The following PIK3C2G variants were observed in gnomAD, a reference collection of about 807,000 sequenced individuals.
PIK3C2G encodes the protein phosphatidylinositol-4-phosphate 3-kinase catalytic subunit type 2 gamma, also known as phosphatidylinositol 3-kinase C2 domain-containing subunit gamma.
In PIK3C2G, 168 loss-of-function variants were observed where a neutral mutation model predicts 181.1. That is an observed-to-expected ratio of 0.93 (90% CI 0.82 to 1.05). PIK3C2G has a LOEUF of 1.05. Among genes scored for constraint, PIK3C2G ranks in the 50% least tolerant of loss-of-function variants. PIK3C2G has a pLI of 0.00. For missense variants in PIK3C2G, 1,869 were observed against 1,732.8 expected (o/e 1.08, Z -1.40); for synonymous variants, 573 against 592.2 (o/e 0.97, Z 0.47).
Position 18,503,555 on chromosome 12 carries a change from C to T in PIK3C2G, c.3153+138C>T, listed in dbSNP as rs886766648. Reference sequence around the variant, plus strand: ...TCAATCAGCCCAGTAATTAATTAATCAGCCCAGTTTAAATGATATATTAAC... The same window carrying T: ...TCAATCAGCCCAGTAATTAATTAATTAGCCCAGTTTAAATGATATATTAAC... On this transcript the variant is annotated intron_variant, in intron 23 of 32. Coordinates refer to ENST00000538779, the MANE Select transcript of PIK3C2G (RefSeq NM_001288772.2). 9.1e-6 allele frequency: 5 copies of T among 546,658 alleles called. No individual in the cohort carries two copies. The Admixed American group carries it at 1.6e-4, about 17-fold the overall frequency. The allele number at this position is 546,658 out of a possible 1,614,324, so 33.9% of individuals were successfully genotyped here.
chr12:18,465,488 G>T (rs772775272), intron 18 of PIK3C2G, among the ~76,000 whole-genome samples: 13 of 151,808 alleles, frequency 8.6e-5, no homozygotes, highest in Non-Finnish European at 1.8e-4. Context: ...TAGTGGAAGG[G>T]TGTTGTTGCA....
intron 12 of PIK3C2G, 76 bp downstream of exon 12, chr12:18,362,962 G>A: frequency 8.4e-7 from 1 of 1,189,404 alleles, no homozygotes; most frequent in African/African-American, 1.6e-5. Context: ...TTAAAAGCAA[G>A]GGATGTAATT....
At chr12:18,597,920 A>G (rs1947468617) in intron 30 of PIK3C2G, among the ~76,000 whole-genome samples, 1 of 152,198 alleles carries the variant, frequency 6.6e-6, no homozygotes, top group South Asian at 2.1e-4. Flanking sequence ...ATAATGAAAT[A>G]CCTAGGAATC....
intron 10 of PIK3C2G, among the ~76,000 whole-genome samples, chr12:18,344,321 A>C (rs1326373277): frequency 6.6e-6 from 1 of 152,024 alleles, no homozygotes; most frequent in African/African-American, 2.4e-5. Context: ...TCTAATTCCC[A>C]CCACTCAAAA....
intron 32 of PIK3C2G, among the ~76,000 whole-genome samples, chr12:18,645,131 T>C (rs1950048447): frequency 6.6e-6 from 1 of 151,738 alleles, no homozygotes; most frequent in African/African-American, 2.4e-5. Context: ...TTAAAAGAGC[T>C]ATTTATTTTT....
At chr12:18,559,339 A>C (rs961341558) in intron 26 of PIK3C2G, among the ~76,000 whole-genome samples, 19 of 152,114 alleles carry the variant, frequency 1.2e-4, no homozygotes, top group African/African-American at 4.3e-4. Context: ...CCATACAATA[A>C]AAGCAGGTGG....
rs147251688 is a variant in PIK3C2G, at chr12:18,282,864, T to C, written c.678+105T>C. On this transcript the variant is annotated intron_variant, in intron 2 of 32. Coordinates refer to ENST00000538779, the MANE Select transcript of PIK3C2G (RefSeq NM_001288772.2). ...AGATAACTAAACTTAAATAGGGAAA[T>C]CTATTCATCTTACTTTTGAAAAAAA... 1.3e-3 allele frequency: 1,001 copies of C among 772,690 alleles called. 7 individuals carry two copies. The African/African-American group carries it at 0.016, about 12-fold the overall frequency. 47.9% of individuals were successfully genotyped at this position (772,690 alleles called of 1,614,324 possible).
chr12:18,451,942 G>A (rs991002489), intron 18 of PIK3C2G, among the ~76,000 whole-genome samples: 7 of 152,192 alleles, frequency 4.6e-5, no homozygotes, highest in Non-Finnish European at 8.8e-5. Flanking sequence ...TAGTGGATAA[G>A]CTTTTTGATG....
At chr12:18,344,060 G>A (rs371102649) in intron 10 of PIK3C2G, among the ~76,000 whole-genome samples, 8 of 152,182 alleles carry the variant, frequency 5.3e-5, no homozygotes, top group South Asian at 2.1e-4. Flanking sequence ...CTTTGATCCC[G>A]TTATAGTAAT....
intron 18 of PIK3C2G, among the ~76,000 whole-genome samples, chr12:18,429,069 T>C (rs796791700): frequency 5.3e-5 from 8 of 152,230 alleles, no homozygotes; most frequent in African/African-American, 1.9e-4. Context: ...TCTTTGACGA[T>C]AGAATTTAAT....
At chr12:18,539,285 A>G (rs1409190641) in intron 25 of PIK3C2G, among the ~76,000 whole-genome samples, 1 of 151,984 alleles carries the variant, frequency 6.6e-6, no homozygotes. Context: ...TAATGAATAA[A>G]TGACCTAGTA....
At chr12:18,313,693 TCTAA>T (rs572675420) in intron 5 of PIK3C2G, among the ~76,000 whole-genome samples, 95 of 152,252 alleles carry the variant, frequency 6.2e-4, no homozygotes, top group Non-Finnish European at 9.0e-4. Context: ...TTAATCATTT[TCTAA>T]CTTATTAATG....
chr12:18,342,491 T>C (rs1939235167), intron 9 of PIK3C2G, among the ~76,000 whole-genome samples: 1 of 152,060 alleles, frequency 6.6e-6, no homozygotes, highest in Admixed American at 6.6e-5. Flanking sequence ...CTTGAAATTT[T>C]ATTTTTTTAT....
At chr12:18,381,329 T>A (rs1216594516) in intron 13 of PIK3C2G, among the ~76,000 whole-genome samples, 1 of 152,106 alleles carries the variant, frequency 6.6e-6, no homozygotes, top group Non-Finnish European at 1.5e-5. Context: ...AATTTAGAAC[T>A]TGTATCTTTA....
At chr12:18,252,213 G>A (rs981833911) in intron 1 of PIK3C2G, among the ~76,000 whole-genome samples, 1 of 151,942 alleles carries the variant, frequency 6.6e-6, no homozygotes, top group Non-Finnish European at 1.5e-5. Flanking sequence ...GAACTAATAC[G>A]GTGCAAATCC....
intron 24 of PIK3C2G, among the ~76,000 whole-genome samples, chr12:18,513,975 A>G (rs533409678): frequency 1.3e-5 from 2 of 151,926 alleles, no homozygotes; most frequent in East Asian, 3.9e-4. Context: ...CTGCTTTGAC[A>G]TAGACATTTA....
intron 17 of PIK3C2G, 101 bp downstream of exon 17, chr12:18,421,135 A>C: frequency 1.7e-6 from 1 of 576,208 alleles, no homozygotes; most frequent in Non-Finnish European, 3.1e-6. Context: ...GTGACATTGC[A>C]ATTTGGCCAC....
intron 8 of PIK3C2G, among the ~76,000 whole-genome samples, chr12:18,327,008 A>G (rs894571035): frequency 6.6e-6 from 1 of 152,134 alleles, no homozygotes; most frequent in African/African-American, 2.4e-5. Context: ...GAAGCCTCCT[A>G]TATTTCTAGT....
At chr12:18,355,154 G>A (rs1399715913) in intron 11 of PIK3C2G, among the ~76,000 whole-genome samples, 1 of 152,166 alleles carries the variant, frequency 6.6e-6, no homozygotes, top group Non-Finnish European at 1.5e-5. Context: ...TTCCTTGCTT[G>A]GATCCCTCAG....
Sources: gnomAD v4.1 joint callset for allele counts (sites outside exome capture counted in the v4.1 genomes callset) on GRCh38, gnomAD v4.1.1 for gene constraint, MANE v1.5 for transcripts, NCBI Gene and HGNC (gene_info 2026-07-23, HGNC 2026-07-21) for gene names.